The following KDM2B variants were observed in gnomAD, a reference collection of about 807,000 sequenced individuals.
The protein encoded by KDM2B is lysine demethylase 2B, also known as lysine-specific demethylase 2B.
In KDM2B, 26 loss-of-function variants were observed where a neutral mutation model predicts 150.0. The observed-to-expected ratio is 0.17, with a 90% CI of 0.13 to 0.24. The LOEUF is 0.24. Among genes scored for constraint, KDM2B ranks in the 10% least tolerant of loss-of-function variants. KDM2B has a pLI of 1.00. For synonymous variants in KDM2B, 734 were observed against 729.5 expected (o/e 1.01, Z -0.10); for missense variants, 1,265 against 1,816.9 (o/e 0.70, Z 5.52).
chr12:121,430,781 T>G lies in KDM2B; in HGVS notation c.3830-312A>C, dbSNP rs1204597113. ...TCATGTAAGTAGTTCTATGTGCTTT[T>G]ACAATGATAGGTTCACACACCATGT... is the stretch of plus-strand genomic sequence containing the variant. On this transcript the variant is annotated intron_variant, in intron 22 of 22. Transcript: ENST00000377071. This position sits in a 1 kb window ranked among gnomAD's most constrained non-coding sequence, Gnocchi z 4.4. 2.0e-5 allele frequency among the ~76,000 whole-genome samples: 3 copies of G among 152,224 alleles called. No homozygotes were observed. Among genetic ancestry groups the G allele is most frequent in the African/African-American group, 7.2e-5 (3 of 41,462 alleles).
At chr12:121,569,221 T>A (rs1890924956) in intron 4 of KDM2B, among the ~76,000 whole-genome samples, 1 of 152,190 alleles carries the variant, frequency 6.6e-6, no homozygotes, top group South Asian at 2.1e-4. Flanking sequence ...GTCCACGTGG[T>A]TCTGCTGGGC....
chr12:121,555,837 G>A (rs1889846461), intron 4 of KDM2B, among the ~76,000 whole-genome samples: 1 of 152,106 alleles, frequency 6.6e-6, no homozygotes, highest in South Asian at 2.1e-4. Flanking sequence ...GATCCTTCAC[G>A]AATGCCTTGG....
intron 8 of KDM2B, among the ~76,000 whole-genome samples, chr12:121,530,180 A>G (rs1594061332): frequency 1.4e-5 from 2 of 143,690 alleles, no homozygotes; most frequent in East Asian, 4.3e-4. Context: ...GTGAGCCGAG[A>G]TTGCGCCACT....
chr12:121,497,912 A>C (rs1175271501), intron 11 of KDM2B, among the ~76,000 whole-genome samples: 1 of 151,930 alleles, frequency 6.6e-6, no homozygotes, highest in African/African-American at 2.4e-5. Flanking sequence ...CCTGATCAAC[A>C]TGGAGAAACC....
Position 121,443,802 on chromosome 12 carries a change from G to T in KDM2B, c.2452-9C>A. 6.5e-7 allele frequency: 1 copy of T among 1,531,664 alleles called. No homozygotes were observed. The allele number at this position is 1,531,664 out of a possible 1,614,324, so 94.9% of individuals were successfully genotyped here. On this transcript the variant is annotated splice_polypyrimidine_tract_variant and intron_variant, in intron 16 of 22. Transcript: ENST00000377071. ...GTTTGAAGCGATGAGGCCTAAAGGG[G>T]GGTGGAGTGGGAAGAGGAGTGACTC...
In KDM2B at chr12:121,509,883, G is replaced by A; in HGVS notation, c.1331C>T (p.Thr444Ile). The A allele has an allele frequency of 2.5e-6, 4 of 1,613,782 alleles. No individual in the cohort carries two copies. The highest frequency in any genetic ancestry group is 2.2e-5 in the East Asian group (1 of 44,828). ...RAPKPPTDGS[T>I]SPTSTPSEDQ... ...CTCAGAGGGCGTGCTGGTGGGTGAA[G>A]TGGAGCCATCGGTGGGCGGTTTGGG... The change falls in exon 11 of 23, where the codon ACT becomes ATT. Residue 444 changes from threonine to isoleucine, a missense_variant. This residue lies in a region of KDM2B where 154 missense variants were observed against 162.5 expected (regional missense o/e 0.95). Coordinates refer to ENST00000377071, the MANE Select transcript of KDM2B (RefSeq NM_032590.5).
downstream of KDM2B, among the ~76,000 whole-genome samples, chr12:121,427,384 A>T (rs577229258): frequency 5.1e-4 from 78 of 152,258 alleles, 2 homozygotes; most frequent in Non-Finnish European, 7.9e-4. Context: ...TCTACTAAAA[A>T]TACAAAAGTT....
chr12:121,428,289 T>G (rs1555284523), downstream of KDM2B, among the ~76,000 whole-genome samples: 1 of 151,790 alleles, frequency 6.6e-6, no homozygotes, highest in Non-Finnish European at 1.5e-5. Flanking sequence ...GTGTCCTGGG[T>G]TCAAGCGATT....
chr12:121,552,127 C>T lies in KDM2B; in HGVS notation c.398-2489G>A, dbSNP rs368833578. Among the ~76,000 whole-genome samples, 126 of 152,320 alleles carry T rather than the reference C, an allele frequency of 8.3e-4. No homozygotes were observed. The South Asian group carries it at 0.02, about 24-fold the overall frequency. ...AACCATTACCATTTACTATGTGTGT[C>T]AGCACAGGCGGGTTCTCTACATATA... On this transcript the variant is annotated intron_variant, in intron 4 of 22. Transcript: ENST00000377071.
chr12:121,568,198 G>C (rs1396726601), intron 4 of KDM2B, among the ~76,000 whole-genome samples: 4 of 152,288 alleles, frequency 2.6e-5, no homozygotes, highest in Middle Eastern at 3.4e-3. Flanking sequence ...GCCAGGTGCA[G>C]TGGCTCGCAC....
intron 12 of KDM2B, among the ~76,000 whole-genome samples, chr12:121,481,759 TTTTTTTTG>T (rs1250504866): frequency 8.7e-6 from 1 of 114,410 alleles, no homozygotes; most frequent in African/African-American, 4.9e-5. Context: ...TATCTTAGGG[TTTTTTTTG>T]TTTGTTTGTT....
chr12:121,527,024 CTCTG>C (rs1887201746), intron 8 of KDM2B, among the ~76,000 whole-genome samples: 2 of 152,048 alleles, frequency 1.3e-5, no homozygotes, highest in South Asian at 4.2e-4. Flanking sequence ...AAGAGCAACG[CTCTG>C]TCTGAAAAAT....
Position 121,522,565 on chromosome 12 carries a change from G to A in KDM2B, c.932-1465C>T, listed in dbSNP as rs562646998. On this transcript the variant is annotated intron_variant, in intron 8 of 22. Coordinates refer to ENST00000377071, the MANE Select transcript of KDM2B (RefSeq NM_032590.5). Reference sequence around the variant, plus strand: ...ATATTCAACCTCAATTTACAGATGAGGGCCAGGCACGGTGGCTCATGCCTA... The same window carrying A: ...ATATTCAACCTCAATTTACAGATGAAGGCCAGGCACGGTGGCTCATGCCTA... 1.1e-4 allele frequency among the ~76,000 whole-genome samples: 16 copies of A among 145,704 alleles called. 1 individual carries two copies. Among genetic ancestry groups the A allele is most frequent in the African/African-American group, 4.1e-4 (16 of 39,294 alleles).
chr12:121,510,150 T>C, intron 10 of KDM2B, 111 bp from the exon 11 acceptor site: 1 of 941,028 alleles, frequency 1.1e-6, no homozygotes, highest in Non-Finnish European at 1.6e-6. Flanking sequence ...CCAGCTTCTC[T>C]AACAATCCTA....
intron 12 of KDM2B, among the ~76,000 whole-genome samples, chr12:121,473,929 C>T (rs146966424): frequency 6.6e-6 from 1 of 152,178 alleles, no homozygotes; most frequent in Non-Finnish European, 1.5e-5. Context: ...ACACATACTC[C>T]AAGGGGAATG....
In KDM2B at chr12:121,453,924, C is replaced by T. The variant is rs982414608; in HGVS notation, c.1735-580G>A. On this transcript the variant is annotated intron_variant, in intron 12 of 22. Transcript: ENST00000377071. The surrounding 1 kb of genome is among the most constrained non-coding windows in gnomAD (Gnocchi z 6.4). ...CCTTCCATGGCTGCACCCACAGGCTCGGACCCTGCCCACCTTTCCCACCTC... is the reference window on the plus strand; with the variant it reads ...CCTTCCATGGCTGCACCCACAGGCTTGGACCCTGCCCACCTTTCCCACCTC... Among the ~76,000 whole-genome samples the T allele has an allele frequency of 1.3e-4, 20 of 152,202 alleles. No homozygotes were observed. The highest frequency in any genetic ancestry group is 4.6e-4 in the African/African-American group (19 of 41,448).
chr12:121,562,485 A>C (rs1026949901), intron 4 of KDM2B, among the ~76,000 whole-genome samples: 11 of 151,930 alleles, frequency 7.2e-5, no homozygotes, highest in Non-Finnish European at 1.6e-4. Flanking sequence ...CTCTGTCTCA[A>C]AAAAAAAGTC....
intron 10 of KDM2B, among the ~76,000 whole-genome samples, chr12:121,511,429 G>A (rs1255718403): frequency 1.3e-5 from 2 of 151,980 alleles, no homozygotes; most frequent in Non-Finnish European, 2.9e-5. Flanking sequence ...TGGGATTACA[G>A]GCATGTGCCA....
intron 4 of KDM2B, among the ~76,000 whole-genome samples, chr12:121,555,758 T>C (rs1406369556): frequency 6.6e-6 from 1 of 152,138 alleles, no homozygotes; most frequent in African/African-American, 2.4e-5. Context: ...TGTTGAAACA[T>C]GAATATCTCT....
Sources: allele counts gnomAD v4.1 joint callset (sites outside exome capture counted in the v4.1 genomes callset), GRCh38; gene constraint gnomAD v4.1.1; regional missense constraint gnomAD v4.1.1; non-coding constraint Gnocchi (gnomAD v3.1); transcripts MANE v1.5; gene names NCBI Gene and HGNC (gene_info 2026-07-23, HGNC 2026-07-21).